The following RPS6KC1 variants were observed in gnomAD, a reference collection of about 807,000 sequenced individuals.
RPS6KC1 encodes inactive ribosomal protein S6 kinase delta-1.
In RPS6KC1, 54 loss-of-function variants were observed where a neutral mutation model predicts 103.8. The observed-to-expected ratio is 0.52, with a 90% CI of 0.42 to 0.65. RPS6KC1 has a LOEUF of 0.65. Ranked by LOEUF, RPS6KC1 falls within the 30% of genes least tolerant of loss-of-function variation. The probability of loss-of-function intolerance (pLI) is 0.00; values close to 1 mark genes in which losing one functional copy is unlikely to be tolerated. For missense variants in RPS6KC1, 1,151 were observed against 1,253.8 expected (o/e 0.92, Z 1.24); for synonymous variants, 439 against 438.7 (o/e 1.00, Z -0.01).
chr1:213,532,936 A>AAT, the RPS6KC1 span, among the ~76,000 whole-genome samples: 2 of 152,066 alleles, frequency 1.3e-5, no homozygotes, highest in Non-Finnish European at 2.9e-5. Context: ...AGGAGCAACT[A>AAT]ATAGGCTATC....
At chr1:213,585,265 G>A in the RPS6KC1 span, among the ~76,000 whole-genome samples, 1 of 152,202 alleles carries the variant, frequency 6.6e-6, no homozygotes, top group Non-Finnish European at 1.5e-5. Context: ...ATGTTGGTCT[G>A]TGGCTGTGGA....
chr1:213,717,566 CTG>C, the RPS6KC1 span, among the ~76,000 whole-genome samples: 2 of 152,238 alleles, frequency 1.3e-5, no homozygotes, highest in East Asian at 1.9e-4. Context: ...ACGTAGAAGA[CTG>C]GGGCCAAAGT....
the RPS6KC1 span, among the ~76,000 whole-genome samples, chr1:213,518,386 C>T: frequency 2.0e-5 from 3 of 152,086 alleles, no homozygotes; most frequent in Non-Finnish European, 4.4e-5. Flanking sequence ...AGATGGGAAG[C>T]AGTAGAGCAT....
At chr1:213,051,891 G>C (rs2076978345) in intron 1 of RPS6KC1, among the ~76,000 whole-genome samples, 1 of 152,192 alleles carries the variant, frequency 6.6e-6, no homozygotes, top group Non-Finnish European at 1.5e-5. Context: ...GTATTGTTTG[G>C]CTTATGTAAT....
chr1:213,562,344 T>A, the RPS6KC1 span, among the ~76,000 whole-genome samples: 1 of 146,012 alleles, frequency 6.8e-6, no homozygotes, highest in Admixed American at 6.9e-5. Context: ...TCCGTAAAAT[T>A]TCCTGAAAAG....
chr1:213,083,382 G>A (rs1400656700), intron 3 of RPS6KC1, among the ~76,000 whole-genome samples: 1 of 152,176 alleles, frequency 6.6e-6, no homozygotes, highest in Non-Finnish European at 1.5e-5. Flanking sequence ...GAATTACTAT[G>A]GACCCATTGA....
chr1:213,167,412 G>A (rs2091057046), intron 6 of RPS6KC1, among the ~76,000 whole-genome samples: 1 of 139,648 alleles, frequency 7.2e-6, no homozygotes, highest in Non-Finnish European at 1.5e-5. Flanking sequence ...TGTAGGATTT[G>A]GTTTTTAGAA....
At chr1:213,110,935 A>G (rs2148832543) in intron 4 of RPS6KC1, among the ~76,000 whole-genome samples, 1 of 150,082 alleles carries the variant, frequency 6.7e-6, no homozygotes, top group South Asian at 2.1e-4. Context: ...TATTGACAAT[A>G]TTTGGGGTGG....
intron 8 of RPS6KC1, among the ~76,000 whole-genome samples, chr1:213,213,870 A>G (rs536897294): frequency 1.3e-5 from 2 of 152,332 alleles, no homozygotes; most frequent in East Asian, 1.9e-4. Context: ...ACAAACTATG[A>G]TTTTTAAAAA....
the RPS6KC1 span, among the ~76,000 whole-genome samples, chr1:213,781,909 A>G: frequency 1.3e-5 from 2 of 152,102 alleles, no homozygotes; most frequent in African/African-American, 4.8e-5. Flanking sequence ...TGGAAAATGA[A>G]CCATTTTTGT....
the RPS6KC1 span, among the ~76,000 whole-genome samples, chr1:213,445,833 G>A: frequency 1.3e-5 from 2 of 152,158 alleles, no homozygotes; most frequent in African/African-American, 4.8e-5. Context: ...CAAGTACCAG[G>A]TACCCCTCGC....
chr1:213,200,937 T>G (rs2093139702), intron 8 of RPS6KC1, among the ~76,000 whole-genome samples: 2 of 151,850 alleles, frequency 1.3e-5, no homozygotes, highest in Non-Finnish European at 2.9e-5. Flanking sequence ...CTCAGACACA[T>G]AGAGAGGAAC....
the RPS6KC1 span, among the ~76,000 whole-genome samples, chr1:213,634,612 C>T: frequency 3.9e-5 from 6 of 151,910 alleles, no homozygotes; most frequent in Admixed American, 6.6e-5. Flanking sequence ...CTCTAAATGC[C>T]CATAAGAGAA....
the RPS6KC1 span, among the ~76,000 whole-genome samples, chr1:213,489,437 T>A: frequency 0.21 from 32,659 of 152,126 alleles, 4,426 homozygotes; most frequent in Admixed American, 0.33. Context: ...GTGGATGATG[T>A]CAGAGATCTA....
chr1:213,180,599 C>A (rs1269780492), intron 8 of RPS6KC1, among the ~76,000 whole-genome samples: 5 of 151,998 alleles, frequency 3.3e-5, no homozygotes, highest in South Asian at 2.1e-4. Context: ...TTAATTATTT[C>A]TTTGATCCTG....
chr1:213,595,160 T>G, the RPS6KC1 span, among the ~76,000 whole-genome samples: 1 of 152,206 alleles, frequency 6.6e-6, no homozygotes. Flanking sequence ...CTTCCTCTTC[T>G]TTGTGTTGAC....
the RPS6KC1 span, among the ~76,000 whole-genome samples, chr1:213,746,730 G>C: frequency 2.6e-4 from 39 of 152,198 alleles, no homozygotes; most frequent in Admixed American, 4.6e-4. Context: ...GCAGAGTGGA[G>C]GCGGTGAAGA....
At chr1:213,402,907 G>A in the RPS6KC1 span, among the ~76,000 whole-genome samples, 7 of 139,746 alleles carry the variant, frequency 5.0e-5, no homozygotes, top group African/African-American at 1.8e-4. Context: ...AAGGTCAGGA[G>A]ACAGAGACCA....
At chr1:213,740,965 C>CAT in the RPS6KC1 span, among the ~76,000 whole-genome samples, 10 of 144,496 alleles carry the variant, frequency 6.9e-5, no homozygotes, top group Admixed American at 1.4e-4. Context: ...TATATGTACA[C>CAT]ATATATATAT....
Sources: gnomAD v4.1 joint callset for allele counts (sites outside exome capture counted in the v4.1 genomes callset) on GRCh38, gnomAD v4.1.1 for gene constraint, MANE v1.5 for transcripts, NCBI Gene and HGNC (gene_info 2026-07-23, HGNC 2026-07-21) for gene names.